ERC2: variants seen among roughly 807,000 people sequenced by gnomAD.
ERC2 encodes ELKS/RAB6-interacting/CAST family member 2.
In ERC2, 42 loss-of-function variants were observed where a neutral mutation model predicts 114.8. The observed-to-expected ratio is 0.37, with a 90% CI of 0.29 to 0.47. The LOEUF (loss-of-function observed/expected upper bound fraction) is 0.47. Ranked by LOEUF, ERC2 falls within the 20% of genes least tolerant of loss-of-function variation. ERC2 has a pLI of 0.99. For missense variants in ERC2, 939 were observed against 1,150.7 expected, an observed-to-expected ratio of 0.82 and a Z score of 2.66; for synonymous variants, 454 against 425.5, an observed-to-expected ratio of 1.07 and a Z score of -0.82.
At chr3:56,399,951 T>C (rs1046433606) in intron 2 of ERC2, among the ~76,000 whole-genome samples, 1 of 152,042 alleles carries the variant, frequency 6.6e-6, no homozygotes, top group African/African-American at 2.4e-5. Flanking sequence ...TGGAAAAAAG[T>C]AAGTGAGCCT....
chr3:56,011,142 T>C (rs1433129581), intron 8 of ERC2, among the ~76,000 whole-genome samples: 4 of 152,230 alleles, frequency 2.6e-5, no homozygotes, highest in Non-Finnish European at 4.4e-5. Flanking sequence ...ATCAGTCCAT[T>C]GTGTATGTGA....
chr3:55,752,440 G>C (rs1292791278), intron 14 of ERC2, among the ~76,000 whole-genome samples: 1 of 152,160 alleles, frequency 6.6e-6, no homozygotes, highest in African/African-American at 2.4e-5. Context: ...CAGGGATTTT[G>C]TTTTTTCTAT....
chr3:55,983,860 C>T (rs1433396974), intron 12 of ERC2, among the ~76,000 whole-genome samples: 1 of 152,056 alleles, frequency 6.6e-6, no homozygotes, highest in African/African-American at 2.4e-5. Context: ...AGTCAGAGAT[C>T]CTGCATTCAG....
intron 1 of ERC2, among the ~76,000 whole-genome samples, chr3:56,465,992 C>T (rs1029469567): frequency 6.6e-5 from 10 of 152,244 alleles, no homozygotes; most frequent in Non-Finnish European, 8.8e-5. Flanking sequence ...TAAGACGAAC[C>T]CGGGCTCAGG....
intron 7 of ERC2, among the ~76,000 whole-genome samples, chr3:56,022,283 T>C (rs969862329): frequency 2.6e-5 from 4 of 152,238 alleles, no homozygotes; most frequent in Non-Finnish European, 5.9e-5. Context: ...AAATGTTTTA[T>C]TTGGCAATGG....
chr3:55,572,860 GT>G (rs528355106), intron 17 of ERC2, among the ~76,000 whole-genome samples: 5 of 152,192 alleles, frequency 3.3e-5, no homozygotes, highest in Non-Finnish European at 7.4e-5. Context: ...CCACTAAGGG[GT>G]TTTTTCTACT....
rs1252432773 is a variant in ERC2 at position 56,311,337 on chromosome 3, T to C, written c.658-14902A>G. ...TTTTTTAAGACAGAGTCTCACTCTG[T>C]CACCCAGGCTGGAGTGCAGTGGCGC... On this transcript the variant is annotated intron_variant, in intron 2 of 17. Coordinates refer to ENST00000288221, the MANE Select transcript of ERC2 (RefSeq NM_015576.3). Among the ~76,000 whole-genome samples the C allele has an allele frequency of 2.0e-5, 3 of 146,726 alleles. No homozygotes were observed. The East Asian group carries it at 6.0e-4, about 29-fold the overall frequency.
At chr3:56,456,135 C>G (rs1164184285) in intron 1 of ERC2, among the ~76,000 whole-genome samples, 1 of 152,188 alleles carries the variant, frequency 6.6e-6, no homozygotes, top group Non-Finnish European at 1.5e-5. Flanking sequence ...TTCATTTAGT[C>G]TTTTTCTAGT....
chr3:55,576,370 G>A (rs1489651225), intron 17 of ERC2, among the ~76,000 whole-genome samples: 1 of 151,922 alleles, frequency 6.6e-6, no homozygotes, highest in Non-Finnish European at 1.5e-5. Flanking sequence ...CATGCACCAG[G>A]AACTACTGGC....
chr3:55,514,653 A>T (rs143127563), intron 17 of ERC2, among the ~76,000 whole-genome samples: 1 of 152,314 alleles, frequency 6.6e-6, no homozygotes, highest in East Asian at 1.9e-4. Flanking sequence ...CACCCAGGTG[A>T]CTGTCAGCAA....
chr3:56,220,290 C>T (rs2049815038), intron 3 of ERC2, among the ~76,000 whole-genome samples: 3 of 152,210 alleles, frequency 2.0e-5, no homozygotes, highest in South Asian at 4.2e-4. Context: ...AAAAGATTTT[C>T]CAATATTCTG....
chr3:55,612,672 T>C (rs564589893), intron 17 of ERC2: 23 of 152,218 alleles, frequency 1.5e-4, no homozygotes, highest in African/African-American at 5.3e-4. Context: ...CATAAAGCAA[T>C]CCCTTAATTT....
intron 3 of ERC2, among the ~76,000 whole-genome samples, chr3:56,181,558 A>G (rs1345441155): frequency 6.6e-6 from 1 of 152,172 alleles, no homozygotes; most frequent in Non-Finnish European, 1.5e-5. Context: ...ATACTAGCCA[A>G]TCTCAGGAAA....
intron 12 of ERC2, among the ~76,000 whole-genome samples, chr3:55,961,978 GCA>G (rs2068416515): frequency 6.6e-6 from 1 of 151,930 alleles, no homozygotes; most frequent in Admixed American, 6.6e-5. Flanking sequence ...CCTTCCATTT[GCA>G]CCCTGACATG....
chr3:56,029,799 G>T (rs907201831), intron 7 of ERC2, among the ~76,000 whole-genome samples: 2 of 151,852 alleles, frequency 1.3e-5, no homozygotes, highest in African/African-American at 2.4e-5. Context: ...TTTCTCTGTT[G>T]TTTCTATATT....
chr3:55,950,668 G>A, intron 12 of ERC2, 108 bp from the exon 13 acceptor site: 1 of 1,176,268 alleles, frequency 8.5e-7, no homozygotes, highest in East Asian at 2.3e-5. Context: ...TAAGGGCTTG[G>A]GAAAAAGATG....
At chr3:55,595,608 G>A (rs2058091060) in intron 17 of ERC2, among the ~76,000 whole-genome samples, 1 of 152,208 alleles carries the variant, frequency 6.6e-6, no homozygotes, top group Non-Finnish European at 1.5e-5. Context: ...AATCTGTTAT[G>A]ATGAAAGCCG....
At chr3:55,724,626 G>A (rs1443209676) in intron 15 of ERC2, among the ~76,000 whole-genome samples, 3 of 152,190 alleles carry the variant, frequency 2.0e-5, no homozygotes, top group Non-Finnish European at 4.4e-5. Flanking sequence ...CTAGCCCAAT[G>A]CCAAGTATAC....
chr3:55,979,445 C>G (rs768097287), intron 12 of ERC2, among the ~76,000 whole-genome samples: 1 of 152,178 alleles, frequency 6.6e-6, no homozygotes, highest in Non-Finnish European at 1.5e-5. Flanking sequence ...TGTCTCAAGA[C>G]TTGCTAATAT....
Sources: gnomAD v4.1 joint callset for allele counts (sites outside exome capture counted in the v4.1 genomes callset) on GRCh38, gnomAD v4.1.1 for gene constraint, MANE v1.5 for transcripts, NCBI Gene and HGNC (gene_info 2026-07-23, HGNC 2026-07-21) for gene names.